The following SNX14 variants were observed in gnomAD, a reference collection of about 807,000 sequenced individuals.
The protein encoded by SNX14 is sorting nexin-14.
In SNX14, 93 loss-of-function variants were observed where a neutral mutation model predicts 133.8. The ratio of observed to expected loss-of-function variants is 0.70; its 90% CI spans 0.59 to 0.83. The LOEUF (loss-of-function observed/expected upper bound fraction) is 0.83, where lower values mean the gene tolerates loss of function less well. SNX14 is among the 40% of genes least tolerant of loss of function. The pLI is 0.00. For missense variants in SNX14, 945 were observed against 1,094.9 expected (o/e 0.86, Z 1.93); for synonymous variants, 368 against 365.6 (o/e 1.01, Z -0.07).
chr6:85,553,822 A>G (rs1788697725), intron 7 of SNX14, among the ~76,000 whole-genome samples: 1 of 151,992 alleles, frequency 6.6e-6, no homozygotes, highest in Non-Finnish European at 1.5e-5. Flanking sequence ...GTAAACAGTT[A>G]TTAACACTGA....
chr6:85,512,248 T>C (rs1302009324), intron 26 of SNX14, among the ~76,000 whole-genome samples: 2 of 152,152 alleles, frequency 1.3e-5, no homozygotes, highest in East Asian at 3.9e-4. Context: ...TCTGGCCCCC[T>C]TGCCAGAAGC....
In SNX14 at chr6:85,517,851, T is replaced by C. The variant is rs1440026323; in HGVS notation, c.2173A>G (p.Ile725Val). 4.4e-6 allele frequency: 7 copies of C among 1,609,064 alleles called. No individual in the cohort carries two copies. In the South Asian group the frequency reaches 7.8e-5, roughly 18 times the overall value. ...KEKGQHLEPF[I>V]MNFINSCESP... ...TCACAAGAATTAATGAAATTCATGA[T>C]AAAAGGTTCCAAATGCTGACCTTTC... Residue 725 changes from isoleucine (I) to valine (V), a missense_variant, in exon 23 of 29, where the codon ATC becomes GTC. By Grantham distance (29) the Ile-to-Val change is conservative (BLOSUM62 3). Transcript: ENST00000314673.
At chr6:85,542,187 A>C in intron 14 of SNX14, 144 bp from the exon 15 acceptor site, 1 of 533,888 alleles carries the variant, frequency 1.9e-6, no homozygotes, top group African/African-American at 1.9e-5. Context: ...AACTAGGGTA[A>C]GGATGAAAAT....
chr6:85,556,884 TAAAC>T (rs1370720393), intron 7 of SNX14, among the ~76,000 whole-genome samples: 4 of 152,152 alleles, frequency 2.6e-5, no homozygotes, highest in African/African-American at 9.7e-5. Flanking sequence ...AAAGGGCAAA[TAAAC>T]TAATAATTTC....
chr6:85,507,154 T>TA, intron 28 of SNX14, 79 bp downstream of exon 28: 1 of 1,262,770 alleles, frequency 7.9e-7, no homozygotes, highest in Non-Finnish European at 1.1e-6. Flanking sequence ...AGGGTTTTCT[T>TA]ACATTTATGT....
rs577612423 is a variant in SNX14, at chr6:85,506,889, C to T, written c.2802+344G>A. On this transcript the variant is annotated intron_variant, in intron 28 of 28. Coordinates refer to ENST00000314673, the MANE Select transcript of SNX14 (RefSeq NM_153816.6). ...ACTTGCTTCAAAAATACTCTAGTTT[C>T]TGACTTACACAGCATACAATGGTGC... Among the ~76,000 whole-genome samples, 9 of 152,238 alleles carry T rather than the reference C, an allele frequency of 5.9e-5. No individual in the cohort carries two copies. In the South Asian group the frequency reaches 8.3e-4, roughly 14 times the overall value.
Position 85,520,908 on chromosome 6 carries a change from A to G in SNX14, c.2108-2860T>C, listed in dbSNP as rs551153801. Among the ~76,000 whole-genome samples the G allele has an allele frequency of 3.9e-5, 6 of 152,314 alleles. No individual in the cohort carries two copies. In the South Asian group the frequency reaches 8.3e-4, roughly 21 times the overall value. On this transcript the variant is annotated intron_variant, in intron 21 of 28. Coordinates refer to ENST00000314673, the MANE Select transcript of SNX14 (RefSeq NM_153816.6). Reference sequence around the variant, plus strand: ...GTGCTGTTTCTAGTTTGGGCTATACAAAGAACTCTACTATGAACGTTCTTA... The same window carrying G: ...GTGCTGTTTCTAGTTTGGGCTATACGAAGAACTCTACTATGAACGTTCTTA...
chr6:85,541,870 G>T, intron 15 of SNX14, 115 bp downstream of exon 15: 1 of 644,632 alleles, frequency 1.6e-6, no homozygotes, highest in Non-Finnish European at 2.5e-6. Context: ...AATGCCTTGT[G>T]AACTCATATA....
chr6:85,555,915 G>C (rs1284023982), intron 7 of SNX14, among the ~76,000 whole-genome samples: 4 of 152,118 alleles, frequency 2.6e-5, no homozygotes, highest in African/African-American at 9.6e-5. Flanking sequence ...TTGAACCTGG[G>C]AAGTGGAGGT....
At chr6:85,582,880 C>T (rs1427186461) in intron 1 of SNX14, among the ~76,000 whole-genome samples, 1 of 152,140 alleles carries the variant, frequency 6.6e-6, no homozygotes, top group Non-Finnish European at 1.5e-5. Flanking sequence ...TGAAACTATT[C>T]CAAACAACAG....
intron 17 of SNX14, among the ~76,000 whole-genome samples, chr6:85,534,455 T>C (rs1285349565): frequency 6.6e-6 from 1 of 152,220 alleles, no homozygotes; most frequent in African/African-American, 2.4e-5. Flanking sequence ...CTAAATGGCA[T>C]CATCTTAGTC....
intron 11 of SNX14, 32 bp downstream of exon 11, chr6:85,547,285 A>G: frequency 6.2e-7 from 1 of 1,611,236 alleles, no homozygotes; most frequent in Non-Finnish European, 8.5e-7. Context: ...AATTGTTTAT[A>G]TCAAAAAGGT....
intron 1 of SNX14, among the ~76,000 whole-genome samples, chr6:85,574,781 G>A (rs533581646): frequency 6.6e-6 from 1 of 152,058 alleles, no homozygotes; most frequent in Admixed American, 6.5e-5. Flanking sequence ...ATACAGTGAG[G>A]AACTGCACTG....
chr6:85,562,048 G>A (rs1253515029), intron 6 of SNX14, among the ~76,000 whole-genome samples: 1 of 152,108 alleles, frequency 6.6e-6, no homozygotes, highest in Non-Finnish European at 1.5e-5. Context: ...CCTTCTTTAT[G>A]TCCACGTGTA....
intron 26 of SNX14, among the ~76,000 whole-genome samples, chr6:85,508,637 AG>A (rs1271731178): frequency 1.4e-5 from 2 of 147,190 alleles, no homozygotes; most frequent in Non-Finnish European, 1.6e-5. Flanking sequence ...CTTTTGCATA[AG>A]TTACTATTAA....
intron 8 of SNX14, among the ~76,000 whole-genome samples, chr6:85,548,834 G>A (rs1337321974): frequency 6.6e-6 from 1 of 151,798 alleles, no homozygotes; most frequent in East Asian, 1.9e-4. Flanking sequence ...GGGCATGATG[G>A]TGCATGCCTG....
intron 21 of SNX14, among the ~76,000 whole-genome samples, chr6:85,519,939 G>C (rs775131990): frequency 1.3e-5 from 2 of 152,084 alleles, no homozygotes; most frequent in South Asian, 2.1e-4. Flanking sequence ...GCAATAGTGT[G>C]AGACTCTGTC....
rs150826268 is a variant in SNX14, at chr6:85,571,091, G to A, written c.417+1046C>T. 8.5e-3 allele frequency among the ~76,000 whole-genome samples: 1,298 copies of A among 151,846 alleles called. 20 individuals carry two copies. The highest frequency in any genetic ancestry group is 0.028 in the African/African-American group (1,180 of 41,414). ...TTAGAGGCCCGGCATGGTGGCTCAC[G>A]CCTGTAAACCCAGCACTTTGGGAGG... On this transcript the variant is annotated intron_variant, in intron 4 of 28. Coordinates refer to ENST00000314673, the MANE Select transcript of SNX14 (RefSeq NM_153816.6).
intron 6 of SNX14, 120 bp downstream of exon 6, chr6:85,565,212 A>G (rs1021298465): frequency 2.1e-5 from 12 of 567,700 alleles, no homozygotes; most frequent in African/African-American, 2.1e-4. Flanking sequence ...CCTGTATCAA[A>G]GTATCTCATG....
Sources: gnomAD v4.1 joint callset for allele counts (sites outside exome capture counted in the v4.1 genomes callset) on GRCh38, gnomAD v4.1.1 for gene constraint, MANE v1.5 for transcripts, NCBI Gene and HGNC (gene_info 2026-07-23, HGNC 2026-07-21) for gene names.